OSBPL3: variants seen among roughly 807,000 people sequenced by gnomAD.
OSBPL3 encodes oxysterol-binding protein-related protein 3.
In OSBPL3, 65 loss-of-function variants were observed where a neutral mutation model predicts 120.1. That is an observed-to-expected ratio of 0.54 (90% CI 0.44 to 0.67). OSBPL3 has a LOEUF of 0.67. Among genes scored for constraint, OSBPL3 ranks in the 30% least tolerant of loss-of-function variants. The pLI is 0.00. For missense variants in OSBPL3, 1,004 were observed against 1,082.1 expected (o/e 0.93, Z 1.01); for synonymous variants, 416 against 402.6 (o/e 1.03, Z -0.40).
At chr7:24,890,908 A>G (rs1211815685) in intron 2 of OSBPL3, among the ~76,000 whole-genome samples, 1 of 152,240 alleles carries the variant, frequency 6.6e-6, no homozygotes, top group African/African-American at 2.4e-5. Context: ...AAGTTTCTGT[A>G]GTATTTGATC....
intron 1 of OSBPL3, among the ~76,000 whole-genome samples, chr7:24,919,855 T>C (rs62450587): frequency 2.6e-5 from 4 of 151,032 alleles, no homozygotes; most frequent in East Asian, 1.9e-4. Flanking sequence ...ATAACTACAA[T>C]AGACATTTCT....
chr7:24,957,662 A>G (rs952772296), intron 1 of OSBPL3, among the ~76,000 whole-genome samples: 2 of 152,152 alleles, frequency 1.3e-5, no homozygotes, highest in Non-Finnish European at 2.9e-5. Flanking sequence ...CTGAGTCTCA[A>G]CTTTCTCATC....
chr7:24,921,566 A>G (rs1413389826), intron 1 of OSBPL3, among the ~76,000 whole-genome samples: 3 of 152,224 alleles, frequency 2.0e-5, no homozygotes, highest in Non-Finnish European at 4.4e-5. Context: ...AATGTAGCTC[A>G]GAAGTGGCAG....
chr7:24,926,225 G>A (rs1194135993), intron 1 of OSBPL3, among the ~76,000 whole-genome samples: 1 of 152,142 alleles, frequency 6.6e-6, no homozygotes, highest in Non-Finnish European at 1.5e-5. Flanking sequence ...CCAGTTTTCA[G>A]TTTGAACGTG....
intron 14 of OSBPL3, among the ~76,000 whole-genome samples, chr7:24,836,881 C>T (rs969960363): frequency 6.6e-6 from 1 of 152,166 alleles, no homozygotes; most frequent in African/African-American, 2.4e-5. Context: ...GTTGCCCAGG[C>T]TGGAGTACAG....
intron 1 of OSBPL3, among the ~76,000 whole-genome samples, chr7:24,934,096 C>A (rs894450242): frequency 6.6e-6 from 1 of 152,128 alleles, no homozygotes; most frequent in Non-Finnish European, 1.5e-5. Flanking sequence ...CATATTGGAG[C>A]AGTCTTTTAC....
rs189396109 is a variant in OSBPL3 at position 24,824,894 on chromosome 7, G to C, written c.1885-4656C>G. Among the ~76,000 whole-genome samples, 5 of 152,316 alleles carry C rather than the reference G, an allele frequency of 3.3e-5. No individual in the cohort carries two copies. Among genetic ancestry groups the C allele is most frequent in the Non-Finnish European group, 7.3e-5 (5 of 68,028 alleles). ...TCGGAAGTTAACCATGCAGATATCT[G>C]AGAGAAGCACGTCCCAGGCAGGGGA... On this transcript the variant is annotated intron_variant, in intron 16 of 22. Coordinates refer to ENST00000313367, the MANE Select transcript of OSBPL3 (RefSeq NM_015550.4). This position sits in a 1 kb window ranked among gnomAD's most constrained non-coding sequence, Gnocchi z 4.9.
At chr7:24,971,758 G>GGTAGC (rs998420770) in intron 1 of OSBPL3, among the ~76,000 whole-genome samples, 1 of 90,902 alleles carries the variant, frequency 1.1e-5, no homozygotes, top group Non-Finnish European at 3.3e-5. Flanking sequence ...GATCTAACGA[G>GGTAGC]GTAGCGTAAG....
intron 5 of OSBPL3, among the ~76,000 whole-genome samples, chr7:24,870,242 T>G (rs1290435178): frequency 6.6e-6 from 1 of 152,144 alleles, no homozygotes; most frequent in Non-Finnish European, 1.5e-5. Context: ...GTAAGCAGCT[T>G]TGAAGTACTA....
At position 24,913,842 on chromosome 7, in the gene OSBPL3, G is replaced by A. The variant is rs207467738; in HGVS notation, c.-149-21221C>T. 3.3e-5 allele frequency among the ~76,000 whole-genome samples: 5 copies of A among 152,144 alleles called. No individual in the cohort carries two copies. Among genetic ancestry groups the A allele is most frequent in the Non-Finnish European group, 1.5e-5 (1 of 68,022 alleles). ...AGGACGAGGACAAGGACCAAGGACC[G>A]TATCCCATCAAAAACATACACCCAG... On this transcript the variant is annotated intron_variant, in intron 1 of 22. Coordinates refer to ENST00000313367, the MANE Select transcript of OSBPL3 (RefSeq NM_015550.4). This position sits in a 1 kb window ranked among gnomAD's most constrained non-coding sequence, Gnocchi z 5.3.
chr7:24,884,091 CAAAA>C lies in OSBPL3; in HGVS notation c.96+8282_96+8285del, dbSNP rs56190515. 7.3e-3 allele frequency among the ~76,000 whole-genome samples: 1,104 copies of C among 150,356 alleles called. 9 individuals are homozygous for C. The highest frequency in any genetic ancestry group is 0.042 in the South Asian group (203 of 4,788). ...AACAAACAAACAACAACAGCAACAA[CAAAA>C]AAAAACAGCTCCAGGCAAACAGGGA... On this transcript the variant is annotated intron_variant, in intron 2 of 22. Coordinates refer to ENST00000313367, the MANE Select transcript of OSBPL3 (RefSeq NM_015550.4).
At chr7:24,807,382 A>G (rs1793189191) in intron 20 of OSBPL3, among the ~76,000 whole-genome samples, 1 of 151,992 alleles carries the variant, frequency 6.6e-6, no homozygotes. Flanking sequence ...AATTCCAGCT[A>G]CTTGGGAGGC....
intron 1 of OSBPL3, among the ~76,000 whole-genome samples, chr7:24,921,998 C>A (rs1234821812): frequency 1.3e-5 from 2 of 152,188 alleles, no homozygotes; most frequent in Non-Finnish European, 2.9e-5. Flanking sequence ...TTTTCACCAC[C>A]TTTATGTCTC....
chr7:24,895,838 C>T (rs1477056189), intron 1 of OSBPL3, among the ~76,000 whole-genome samples: 2 of 152,114 alleles, frequency 1.3e-5, no homozygotes, highest in African/African-American at 2.4e-5. Flanking sequence ...CATTTATTTC[C>T]ACCTTATTTT....
At chr7:24,888,226 T>C (rs183044427) in intron 2 of OSBPL3, among the ~76,000 whole-genome samples, 2 of 152,340 alleles carry the variant, frequency 1.3e-5, no homozygotes, top group Admixed American at 1.3e-4. Context: ...GTCAAATTAA[T>C]GTTAATTATA....
At chr7:24,902,962 T>C (rs1439982890) in intron 1 of OSBPL3, among the ~76,000 whole-genome samples, 1 of 152,196 alleles carries the variant, frequency 6.6e-6, no homozygotes, top group Admixed American at 6.5e-5. Context: ...ACTTTTTCCA[T>C]GTGCAGTATG....
At chr7:24,904,612 G>A (rs981330606) in intron 1 of OSBPL3, among the ~76,000 whole-genome samples, 1 of 152,036 alleles carries the variant, frequency 6.6e-6, no homozygotes, top group Non-Finnish European at 1.5e-5. Flanking sequence ...TATTTGTGGC[G>A]ATCACCGAAC....
rs1343340044 is a variant in OSBPL3, at chr7:24,968,688, C to T, written c.-150+11198G>A. ...CTAGGATTACAGGTGTGAGCCACGG[C>T]GCCAGCCTCAGCCCACCAATTTTAT... On this transcript the variant is annotated intron_variant, in intron 1 of 22. Transcript: ENST00000313367. This position sits in a 1 kb window ranked among gnomAD's most constrained non-coding sequence, Gnocchi z 4.6. 1.5e-4 allele frequency among the ~76,000 whole-genome samples: 23 copies of T among 152,304 alleles called. No individual in the cohort carries two copies. In the South Asian group the frequency reaches 2.9e-3, roughly 19 times the overall value.
rs530103697 is a variant in OSBPL3, at chr7:24,929,761, G to C, written c.-149-37140C>G. 2.0e-5 allele frequency among the ~76,000 whole-genome samples: 3 copies of C among 152,062 alleles called. No homozygotes were observed. In the South Asian group the frequency reaches 6.2e-4, roughly 32 times the overall value. Reference sequence around the variant, plus strand: ...AGTCATCTGAGTTTAATTCCAAATTGTACCTGTTTTTAAAAAACGTTTCTG... The same window carrying C: ...AGTCATCTGAGTTTAATTCCAAATTCTACCTGTTTTTAAAAAACGTTTCTG... On this transcript the variant is annotated intron_variant, in intron 1 of 22. Transcript: ENST00000313367.
Sources: allele counts gnomAD v4.1 joint callset (sites outside exome capture counted in the v4.1 genomes callset), GRCh38; gene constraint gnomAD v4.1.1; non-coding constraint Gnocchi (gnomAD v3.1); transcripts MANE v1.5; gene names NCBI Gene and HGNC (gene_info 2026-07-23, HGNC 2026-07-21).